Variants in AGBL1 observed in about 807,000 individuals in gnomAD.
The protein encoded by AGBL1 is AGBL carboxypeptidase 1.
In AGBL1, 130 loss-of-function variants were observed where a neutral mutation model predicts 118.9. That is an observed-to-expected ratio of 1.09 (90% CI 0.95 to 1.26). The LOEUF is 1.26. AGBL1 is among the 50% of genes most tolerant of loss of function. The pLI is 0.00. For synonymous variants in AGBL1, 555 were observed against 478.9 expected, an observed-to-expected ratio of 1.16 and a Z score of -2.08; for missense variants, 1,584 against 1,298.1, an observed-to-expected ratio of 1.22 and a Z score of -3.38.
intron 17 of AGBL1, among the ~76,000 whole-genome samples, chr15:86,322,715 T>C (rs1392578669): frequency 6.6e-6 from 1 of 152,190 alleles, no homozygotes; most frequent in East Asian, 1.9e-4. Context: ...CCCAGCAGCA[T>C]GCTCAACACA....
chr15:86,776,202 G>A (rs1453039826), intron 22 of AGBL1, among the ~76,000 whole-genome samples: 3 of 152,112 alleles, frequency 2.0e-5, no homozygotes, highest in Admixed American at 6.6e-5. Context: ...GATGATCACA[G>A]TTTACAGATC....
At chr15:86,852,326 G>A (rs1248454037) in intron 22 of AGBL1, among the ~76,000 whole-genome samples, 3 of 152,092 alleles carry the variant, frequency 2.0e-5, no homozygotes, top group Admixed American at 1.3e-4. Context: ...CTGCTCCCAC[G>A]ATCCAAACAC....
chr15:86,852,667 G>A (rs746199616), intron 22 of AGBL1, among the ~76,000 whole-genome samples: 8 of 152,226 alleles, frequency 5.3e-5, no homozygotes, highest in Non-Finnish European at 8.8e-5. Context: ...CACTGAGCAG[G>A]CCTATGGCTG....
At chr15:86,573,586 A>G (rs767293427) in intron 21 of AGBL1, among the ~76,000 whole-genome samples, 31 of 152,150 alleles carry the variant, frequency 2.0e-4, no homozygotes, top group Non-Finnish European at 3.7e-4. Flanking sequence ...CTTTCATCCT[A>G]CTTCCTCCTC....
intron 18 of AGBL1, among the ~76,000 whole-genome samples, chr15:86,463,566 G>A (rs568943048): frequency 3.9e-4 from 60 of 152,156 alleles, no homozygotes; most frequent in African/African-American, 1.3e-3. Context: ...GGTTTTTATG[G>A]TTTTAGGTCT....
chr15:86,510,598 CTTAATG>C (rs751956502), intron 18 of AGBL1, among the ~76,000 whole-genome samples: 8 of 152,156 alleles, frequency 5.3e-5, no homozygotes, highest in Non-Finnish European at 1.0e-4. Flanking sequence ...GTCTATTTTT[CTTAATG>C]TTAATGATTT....
intron 22 of AGBL1, among the ~76,000 whole-genome samples, chr15:86,848,986 G>C (rs1043419287): frequency 6.6e-6 from 1 of 152,132 alleles, no homozygotes; most frequent in Non-Finnish European, 1.5e-5. Flanking sequence ...AAAGCAACCT[G>C]CCTAAAATAA....
intron 24 of AGBL1, among the ~76,000 whole-genome samples, chr15:87,007,181 G>C (rs758274548): frequency 6.6e-6 from 1 of 152,106 alleles, no homozygotes; most frequent in Non-Finnish European, 1.5e-5. Context: ...GAAATATACA[G>C]TACATTTTTT....
chr15:86,412,350 G>A (rs980339595), intron 18 of AGBL1, among the ~76,000 whole-genome samples: 33 of 152,180 alleles, frequency 2.2e-4, no homozygotes, highest in African/African-American at 8.0e-4. Flanking sequence ...CAGAGGAAGT[G>A]TGGAATGTTT....
chr15:86,454,657 A>G (rs996918217), intron 18 of AGBL1, among the ~76,000 whole-genome samples: 3 of 152,188 alleles, frequency 2.0e-5, no homozygotes, highest in South Asian at 2.1e-4. Flanking sequence ...AAGAGTACAC[A>G]CTGAATGATT....
chr15:86,858,625 G>T (rs767432244), intron 22 of AGBL1, among the ~76,000 whole-genome samples: 1 of 152,166 alleles, frequency 6.6e-6, no homozygotes, highest in Non-Finnish European at 1.5e-5. Flanking sequence ...TGTAAGCAAA[G>T]AAACTAACCC....
At chr15:86,499,022 C>A (rs2082886916) in intron 18 of AGBL1, among the ~76,000 whole-genome samples, 1 of 151,816 alleles carries the variant, frequency 6.6e-6, no homozygotes, top group Non-Finnish European at 1.5e-5. Flanking sequence ...AGACCACCTG[C>A]CCATGAAGAG....
downstream of AGBL1, among the ~76,000 whole-genome samples, chr15:87,030,457 C>T (rs1249495468): frequency 6.6e-6 from 1 of 151,944 alleles, no homozygotes; most frequent in African/African-American, 2.4e-5. Flanking sequence ...TTATTCTAGT[C>T]TCTCATTCTA....
At chr15:86,811,973 C>T (rs548796374) in intron 22 of AGBL1, among the ~76,000 whole-genome samples, 2 of 152,130 alleles carry the variant, frequency 1.3e-5, no homozygotes, top group Non-Finnish European at 2.9e-5. Flanking sequence ...AGAAAAATGC[C>T]TATCTCACTC....
chr15:86,092,483 A>G (rs1896098765), intron 1 of AGBL1, among the ~76,000 whole-genome samples: 1 of 152,126 alleles, frequency 6.6e-6, no homozygotes, highest in Non-Finnish European at 1.5e-5. Flanking sequence ...TAAAATATAA[A>G]ATTTTTATTC....
At chr15:86,319,597 G>C (rs922403045) in intron 17 of AGBL1, among the ~76,000 whole-genome samples, 11 of 151,870 alleles carry the variant, frequency 7.2e-5, no homozygotes, top group Non-Finnish European at 1.3e-4. Flanking sequence ...ATAGACGTGG[G>C]TCTGTTTCTG....
chr15:86,721,722 G>T (rs1437395470), intron 22 of AGBL1, among the ~76,000 whole-genome samples: 1 of 152,178 alleles, frequency 6.6e-6, no homozygotes, highest in Non-Finnish European at 1.5e-5. Flanking sequence ...AATTGTCCCT[G>T]TTTGCAGATG....
chr15:86,697,935 G>C (rs924392523), intron 22 of AGBL1, among the ~76,000 whole-genome samples: 1 of 151,916 alleles, frequency 6.6e-6, no homozygotes, highest in Admixed American at 6.6e-5. Flanking sequence ...TATTTGGGCT[G>C]TCTCCCAGGT....
At chr15:86,888,151 C>T (rs924332196) in intron 22 of AGBL1, among the ~76,000 whole-genome samples, 1 of 151,980 alleles carries the variant, frequency 6.6e-6, no homozygotes, top group African/African-American at 2.4e-5. Context: ...CTGGGACCAG[C>T]AGGGAAACGA....
Sources: gnomAD v4.1 joint callset for allele counts (sites outside exome capture counted in the v4.1 genomes callset) on GRCh38, gnomAD v4.1.1 for gene constraint, MANE v1.5 for transcripts, NCBI Gene and HGNC (gene_info 2026-07-23, HGNC 2026-07-21) for gene names.